LUC7L2: variants seen among roughly 807,000 people sequenced by gnomAD.
LUC7L2 encodes putative RNA-binding protein Luc7-like 2.
In LUC7L2, 25 loss-of-function variants were observed where a neutral mutation model predicts 52.8. The ratio of observed to expected loss-of-function variants is 0.47; its 90% CI spans 0.34 to 0.66. The LOEUF is 0.66. Among genes scored for constraint, LUC7L2 ranks in the 30% least tolerant of loss-of-function variants. The pLI is 0.01. For missense variants in LUC7L2, 328 were observed against 497.8 expected (o/e 0.66, Z 3.25); for synonymous variants, 144 against 160.9 (o/e 0.89, Z 0.80).
intron 1 of LUC7L2, among the ~76,000 whole-genome samples, chr7:139,354,026 G>T (rs1377061203): frequency 6.6e-6 from 1 of 151,410 alleles, no homozygotes; most frequent in Admixed American, 6.6e-5. Flanking sequence ...TGAGGCAGGA[G>T]AATTACTTGA....
At chr7:139,376,327 C>G (rs1019499328) in intron 2 of LUC7L2, among the ~76,000 whole-genome samples, 171 bp downstream of exon 2, 4 of 151,892 alleles carry the variant, frequency 2.6e-5, no homozygotes, top group African/African-American at 9.7e-5. Context: ...GGTTTCCTCA[C>G]AAAAGTGGTT....
chr7:139,396,849 G>C (rs192409205), intron 2 of LUC7L2, among the ~76,000 whole-genome samples: 2 of 152,116 alleles, frequency 1.3e-5, no homozygotes, highest in African/African-American at 4.8e-5. Context: ...TAAAATGTCT[G>C]ATTCTCTGCT....
At chr7:139,418,941 A>G (rs1795752239) in intron 9 of LUC7L2, among the ~76,000 whole-genome samples, 1 of 151,948 alleles carries the variant, frequency 6.6e-6, no homozygotes, top group Non-Finnish European at 1.5e-5. Flanking sequence ...AACCAACCCC[A>G]TCTCTACTAA....
chr7:139,374,619 CCTA>C, intron 1 of LUC7L2: 1 of 1,474,502 alleles, frequency 6.8e-7, no homozygotes, highest in Non-Finnish European at 9.0e-7. Flanking sequence ...TCAAAAATAA[CCTA>C]CTAGAGACGA....
intron 1 of LUC7L2, among the ~76,000 whole-genome samples, chr7:139,351,388 TAAAC>T (rs964202102): frequency 7.2e-5 from 11 of 152,232 alleles, no homozygotes; most frequent in Non-Finnish European, 2.9e-5. Context: ...TATCTTCAGT[TAAAC>T]AATCACTAAA....
rs1343288432 is a variant in LUC7L2 at position 139,361,200 on chromosome 7, A to G, written c.61+878A>G. ...TTTTGGTGATGTTAATTAGTAATGT[A>G]CTCTCAAATTCAACTTAAATACATT... On this transcript the variant is annotated intron_variant, in intron 1 of 9. Transcript: ENST00000354926. 2.0e-5 allele frequency among the ~76,000 whole-genome samples: 3 copies of G among 152,216 alleles called. No individual in the cohort carries two copies. The East Asian group carries it at 5.8e-4, about 29-fold the overall frequency.
intron 2 of LUC7L2, among the ~76,000 whole-genome samples, chr7:139,380,912 C>G (rs191832064): frequency 6.6e-6 from 1 of 152,208 alleles, no homozygotes; most frequent in Admixed American, 6.5e-5. Context: ...TTATAGTAGA[C>G]TTTAAATATA....
intron 1 of LUC7L2, among the ~76,000 whole-genome samples, chr7:139,348,903 G>A (rs1345678897): frequency 6.6e-6 from 1 of 152,048 alleles, no homozygotes; most frequent in Non-Finnish European, 1.5e-5. Context: ...GCTCACGCCT[G>A]TAATCCCAGC....
intron 1 of LUC7L2, chr7:139,340,591 G>T (rs1421190065): frequency 1.0e-5 from 4 of 397,396 alleles, no homozygotes; most frequent in Non-Finnish European, 1.8e-5. Context: ...CCCCTCACGT[G>T]GGCGCTAGGT....
rs1794748420 is a variant in LUC7L2, at chr7:139,398,297, C to G, written c.157-302C>G. On this transcript the variant is annotated intron_variant, in intron 2 of 9. Coordinates refer to ENST00000354926, the MANE Select transcript of LUC7L2 (RefSeq NM_016019.5). ...ACTTGATCTTTTTTGTGTTGTGGAG[C>G]TAAATGAACTATGTTGTGATATAGA... is the stretch of plus-strand genomic sequence containing the variant. Among the ~76,000 whole-genome samples the G allele has an allele frequency of 1.3e-5, 2 of 152,148 alleles. 1 individual carries two copies. Among genetic ancestry groups the G allele is most frequent in the South Asian group, 4.1e-4 (2 of 4,828 alleles).
At chr7:139,380,014 C>A (rs1800915186) in intron 2 of LUC7L2, among the ~76,000 whole-genome samples, 1 of 151,094 alleles carries the variant, frequency 6.6e-6, no homozygotes, top group Admixed American at 6.6e-5. Flanking sequence ...CCCATCTCTA[C>A]TGAAAATACA....
At chr7:139,417,865 G>T (rs886537791) in intron 9 of LUC7L2, 136 bp downstream of exon 9, 37 of 1,224,472 alleles carry the variant, frequency 3.0e-5, no homozygotes, top group Non-Finnish European at 3.8e-5. Context: ...ACACATTTAT[G>T]TGTGGGTGTA....
chr7:139,347,715 T>TTTTTG (rs1224325859), intron 1 of LUC7L2, among the ~76,000 whole-genome samples: 1 of 152,126 alleles, frequency 6.6e-6, no homozygotes, highest in Non-Finnish European at 1.5e-5. Flanking sequence ...TAACATACCT[T>TTTTTG]TTTTGTTTTG....
At chr7:139,381,628 G>C (rs1801027236) in intron 2 of LUC7L2, among the ~76,000 whole-genome samples, 1 of 151,642 alleles carries the variant, frequency 6.6e-6, no homozygotes, top group Non-Finnish European at 1.5e-5. Flanking sequence ...CCAGGCTGGA[G>C]TGCAATGGTT....
chr7:139,373,387 A>G (rs1800550527), intron 1 of LUC7L2, among the ~76,000 whole-genome samples: 1 of 152,180 alleles, frequency 6.6e-6, no homozygotes, highest in Non-Finnish European at 1.5e-5. Context: ...TAAGCGTTTT[A>G]TTATTTCATT....
chr7:139,371,132 C>T lies in LUC7L2; in HGVS notation c.62-4930C>T, dbSNP rs151137200. Among the ~76,000 whole-genome samples, 394 of 152,298 alleles carry T rather than the reference C, an allele frequency of 2.6e-3. 3 individuals are homozygous for T. The highest frequency in any genetic ancestry group is 8.7e-3 in the African/African-American group (361 of 41,572). On this transcript the variant is annotated intron_variant, in intron 1 of 9. Coordinates refer to ENST00000354926, the MANE Select transcript of LUC7L2 (RefSeq NM_016019.5). ...AGAATGTGGGAGGGCTTCCCTTCCC[C>T]TGCCCCCATTTGTAGACATGGGAGT... is the stretch of plus-strand genomic sequence containing the variant.
intron 2 of LUC7L2, among the ~76,000 whole-genome samples, chr7:139,381,951 C>G (rs1292060315): frequency 7.0e-6 from 1 of 143,240 alleles, no homozygotes; most frequent in African/African-American, 2.6e-5. Context: ...GTGGCACGGT[C>G]TCGGCTCACT....
intron 1 of LUC7L2, among the ~76,000 whole-genome samples, chr7:139,368,024 T>A (rs1800253078): frequency 6.6e-6 from 1 of 152,156 alleles, no homozygotes; most frequent in African/African-American, 2.4e-5. Context: ...TCGATTCACG[T>A]GAGTCTGGAC....
intron 1 of LUC7L2, among the ~76,000 whole-genome samples, chr7:139,361,466 T>C (rs1394471948): frequency 6.6e-6 from 1 of 152,268 alleles, no homozygotes; most frequent in Non-Finnish European, 1.5e-5. Context: ...TTTAAAAATT[T>C]TATTGCATTC....
Sources: gnomAD v4.1 joint callset for allele counts (sites outside exome capture counted in the v4.1 genomes callset) on GRCh38, gnomAD v4.1.1 for gene constraint, MANE v1.5 for transcripts, NCBI Gene and HGNC (gene_info 2026-07-23, HGNC 2026-07-21) for gene names.